Variants in SFXN5 observed in about 807,000 individuals in gnomAD.
SFXN5 encodes the protein sideroflexin 5, also known as sideroflexin-5.
SFXN5 carries 43 observed loss-of-function variants against 50.2 expected under a neutral mutation model. The observed-to-expected ratio is 0.86, with a 90% CI of 0.67 to 1.11. SFXN5 has a LOEUF of 1.11. Among genes scored for constraint, SFXN5 ranks in the 50% least tolerant of loss-of-function variants. The pLI, the probability that SFXN5 is intolerant of heterozygous loss-of-function variation, is 0.00. For synonymous variants in SFXN5, 203 were observed against 185.8 expected, an observed-to-expected ratio of 1.09 and a Z score of -0.75; for missense variants, 463 against 454.1, an observed-to-expected ratio of 1.02 and a Z score of -0.18.
chr2:73,023,178 A>G lies in SFXN5; in HGVS notation c.276+10T>C, dbSNP rs1341352558. On this transcript the variant is annotated intron_variant, in intron 4 of 13. Transcript: ENST00000272433. ...CGGAGAAGGAAATAGAGAATCCAAA[A>G]CTGGATTACCTGCTTGATTTTCTGT... 1 of 1,601,984 alleles carries G rather than the reference A, an allele frequency of 6.2e-7. No homozygotes were observed. Among genetic ancestry groups the G allele is most frequent in the Non-Finnish European group, 8.5e-7 (1 of 1,173,546 alleles).
intron 3 of SFXN5, among the ~76,000 whole-genome samples, chr2:73,028,586 G>C (rs960743453): frequency 6.6e-6 from 1 of 152,190 alleles, no homozygotes. Context: ...AATGAGGGGA[G>C]AGAGAAAACT....
intron 13 of SFXN5, among the ~76,000 whole-genome samples, chr2:72,957,558 T>G (rs986064739): frequency 3.3e-5 from 5 of 152,228 alleles, no homozygotes; most frequent in Admixed American, 2.0e-4. Context: ...TAATTGGTGT[T>G]CCAGTGATTA....
chr2:73,023,300 C>G (rs1373105174), intron 3 of SFXN5, 86 bp from the exon 4 acceptor site: 1 of 1,358,488 alleles, frequency 7.4e-7, no homozygotes, highest in Non-Finnish European at 1.0e-6. Flanking sequence ...TGTTTTCTAA[C>G]CAAGGGATCC....
chr2:72,967,690 G>C (rs538616683), intron 12 of SFXN5, among the ~76,000 whole-genome samples: 1 of 152,172 alleles, frequency 6.6e-6, no homozygotes, highest in African/African-American at 2.4e-5. Flanking sequence ...ATAGGGTAGG[G>C]TCTCCTCACT....
intron 3 of SFXN5, among the ~76,000 whole-genome samples, chr2:73,038,174 TCC>T (rs564745333): frequency 7.7e-4 from 117 of 152,330 alleles, no homozygotes; most frequent in African/African-American, 2.5e-3. Context: ...AGCCTACTGC[TCC>T]CTGGTTACAA....
At chr2:73,037,905 T>C (rs1379501449) in intron 3 of SFXN5, among the ~76,000 whole-genome samples, 7 of 152,156 alleles carry the variant, frequency 4.6e-5, no homozygotes, top group Non-Finnish European at 1.0e-4. Context: ...TGATGAAATA[T>C]ACCAAGAAAA....
At chr2:73,060,198 C>A (rs1682638486) in intron 1 of SFXN5, among the ~76,000 whole-genome samples, 1 of 151,936 alleles carries the variant, frequency 6.6e-6, no homozygotes, top group African/African-American at 2.4e-5. Flanking sequence ...AGGGAGGGTA[C>A]AAGATGAAAC....
intron 2 of SFXN5, among the ~76,000 whole-genome samples, chr2:73,052,647 A>G (rs1681527353): frequency 6.6e-6 from 1 of 152,116 alleles, no homozygotes; most frequent in African/African-American, 2.4e-5. Context: ...TCAGCCATTC[A>G]TTTCCTTAAG....
chr2:73,063,549 A>G (rs1037714096), intron 1 of SFXN5, among the ~76,000 whole-genome samples: 5 of 152,196 alleles, frequency 3.3e-5, no homozygotes, highest in African/African-American at 1.2e-4. Context: ...TAAAGTTAAG[A>G]TTAATGAGAA....
chr2:73,067,855 AC>A (rs1683286373), intron 1 of SFXN5, among the ~76,000 whole-genome samples: 3 of 152,248 alleles, frequency 2.0e-5, no homozygotes, highest in African/African-American at 7.2e-5. Context: ...AACTCTGGAG[AC>A]AGACTGCCTG....
chr2:72,963,497 C>G (rs1673996131), intron 12 of SFXN5, among the ~76,000 whole-genome samples: 2 of 151,426 alleles, frequency 1.3e-5, no homozygotes, highest in Non-Finnish European at 2.9e-5. Flanking sequence ...AAGCCCCAGC[C>G]CAGAGCAGGC....
At chr2:72,972,293 G>C (rs1670103370) in intron 10 of SFXN5, among the ~76,000 whole-genome samples, 1 of 152,258 alleles carries the variant, frequency 6.6e-6, no homozygotes. Context: ...TCACACAGCA[G>C]AGTGGGACAG....
chr2:73,038,407 A>T (rs1411130779), intron 3 of SFXN5, among the ~76,000 whole-genome samples: 1 of 152,160 alleles, frequency 6.6e-6, no homozygotes, highest in Non-Finnish European at 1.5e-5. Flanking sequence ...TAGTGGGTGA[A>T]TGTGAAGGCC....
At chr2:72,986,442 C>G (rs1302722713) in intron 10 of SFXN5, among the ~76,000 whole-genome samples, 1 of 152,138 alleles carries the variant, frequency 6.6e-6, no homozygotes, top group Non-Finnish European at 1.5e-5. Flanking sequence ...GATGGAGAAG[C>G]AGGGCCCTGT....
intron 2 of SFXN5, among the ~76,000 whole-genome samples, chr2:73,051,810 T>A (rs781749300): frequency 6.6e-6 from 1 of 152,160 alleles, no homozygotes; most frequent in Non-Finnish European, 1.5e-5. Flanking sequence ...GAGGTCTGCA[T>A]CCTTCAGAGG....
intron 1 of SFXN5, among the ~76,000 whole-genome samples, chr2:73,066,334 GATCACCTGA>G (rs1477588821): frequency 6.6e-6 from 1 of 151,114 alleles, no homozygotes; most frequent in Non-Finnish European, 1.5e-5. Flanking sequence ...GAGGCGGGTG[GATCACCTGA>G]GGTCAGGAGT....
intron 2 of SFXN5, 35 bp downstream of exon 2, chr2:73,058,493 G>A (rs1682418327): frequency 6.3e-7 from 1 of 1,597,512 alleles, no homozygotes; most frequent in Non-Finnish European, 8.6e-7. Context: ...AGGTACAAAG[G>A]CCCAAGGGCC....
rs1485016718 is a variant in SFXN5, at chr2:73,053,421, T to TC, written c.171+5106dup. On this transcript the variant is annotated intron_variant, in intron 2 of 13. Transcript: ENST00000272433. ...CATGCTCTCCTTCCCGCTGTTTTTT[T>TC]CCTCCTCTTCCTTCCCTCTCCTTTC... The TC allele has an allele frequency of 9.7e-5, 15 of 154,422 alleles. No individual in the cohort carries two copies. The Admixed American group carries it at 9.8e-4, about 10-fold the overall frequency. The allele number at this position is 154,422 out of a possible 1,614,324, so 9.6% of individuals were successfully genotyped here. A position where few individuals can be genotyped will look rare whatever the true frequency, so the allele number is the denominator to read the frequency against.
intron 12 of SFXN5, among the ~76,000 whole-genome samples, chr2:72,965,270 C>T (rs1026865769): frequency 6.6e-6 from 1 of 152,164 alleles, no homozygotes. Context: ...CTGGGGCAGT[C>T]GGAGGAGAGC....
Sources: gnomAD v4.1 joint callset for allele counts (sites outside exome capture counted in the v4.1 genomes callset) on GRCh38, gnomAD v4.1.1 for gene constraint, MANE v1.5 for transcripts, NCBI Gene and HGNC (gene_info 2026-07-23, HGNC 2026-07-21) for gene names.